Variants in NEDD4L observed in about 807,000 individuals in gnomAD.
NEDD4L encodes the protein NEDD4 like E3 ubiquitin protein ligase, also known as E3 ubiquitin-protein ligase NEDD4-like.
Under a neutral mutation model 148.9 loss-of-function variants are expected in NEDD4L, and 54 were observed. The ratio of observed to expected loss-of-function variants is 0.36; its 90% confidence interval spans 0.29 to 0.45. NEDD4L has a LOEUF of 0.45. Ranked by LOEUF, NEDD4L falls within the 20% of genes least tolerant of loss-of-function variation. The probability of loss-of-function intolerance (pLI) is 1.00; values close to 1 mark genes in which losing one functional copy is unlikely to be tolerated. For missense variants in NEDD4L, 856 were observed against 1,233.8 expected, an observed-to-expected ratio of 0.69 and a Z score of 4.59; for synonymous variants, 433 against 440.7, an observed-to-expected ratio of 0.98 and a Z score of 0.22.
At chr18:58,099,028 T>C in intron 1 of NEDD4L, among the ~76,000 whole-genome samples, 1 of 151,900 alleles carries the variant, frequency 6.6e-6, no homozygotes, top group East Asian at 1.9e-4. Flanking sequence ...ATAGTTGTGA[T>C]GACTATCTTT....
intron 5 of NEDD4L, among the ~76,000 whole-genome samples, chr18:58,271,829 T>G (rs915968001): frequency 6.6e-6 from 1 of 152,236 alleles, no homozygotes; most frequent in Non-Finnish European, 1.5e-5. Flanking sequence ...GCTCCTTTTA[T>G]TTTTCGTTTT....
intron 1 of NEDD4L, among the ~76,000 whole-genome samples, chr18:58,077,849 C>T (rs1032359642): frequency 3.3e-5 from 5 of 151,972 alleles, no homozygotes; most frequent in Admixed American, 6.6e-5. Flanking sequence ...TTTTGTGCCT[C>T]GAGAGACATT....
chr18:58,360,308 T>C (rs1210104206), intron 19 of NEDD4L, among the ~76,000 whole-genome samples: 6 of 152,230 alleles, frequency 3.9e-5, no homozygotes, highest in Non-Finnish European at 8.8e-5. Flanking sequence ...TCTCTCTAAG[T>C]ATCTGTTTCT....
intron 1 of NEDD4L, among the ~76,000 whole-genome samples, chr18:58,120,257 A>G (rs2086143110): frequency 6.6e-6 from 1 of 152,126 alleles, no homozygotes; most frequent in South Asian, 2.1e-4. Context: ...AGGAGGAGTA[A>G]AGACAAGGCC....
chr18:58,167,939 C>T (rs2037077375), intron 2 of NEDD4L, among the ~76,000 whole-genome samples: 1 of 151,602 alleles, frequency 6.6e-6, no homozygotes, highest in South Asian at 2.1e-4. Context: ...AAAATTGATT[C>T]ACATTGTATT....
intron 5 of NEDD4L, among the ~76,000 whole-genome samples, chr18:58,265,189 A>G (rs1035722773): frequency 6.6e-6 from 1 of 152,010 alleles, no homozygotes; most frequent in East Asian, 1.9e-4. Context: ...GAAAGACTGA[A>G]GGTAGATGTG....
At chr18:58,329,861 G>T (rs2144662329) in intron 10 of NEDD4L, among the ~76,000 whole-genome samples, 1 of 152,010 alleles carries the variant, frequency 6.6e-6, no homozygotes, top group Non-Finnish European at 1.5e-5. Context: ...TTTTCACAGG[G>T]GTCTAACCAT....
Position 58,315,986 on chromosome 18 carries a change from G to A in NEDD4L, c.302G>A (p.Arg101Gln), listed in dbSNP as rs1248345919. Reference sequence around the variant, plus strand: ...TCTTTGTTCTCTTCCTAACAGACACGAGACGACTTCCTGGGCCAGGTGGAC... The same window carrying A: ...TCTTTGTTCTCTTCCTAACAGACACAAGACGACTTCCTGGGCCAGGTGGAC... ...FEVFDENRLT[R>Q]DDFLGQVDVP... The change falls in exon 6 of 31, where the codon CGA becomes CAA. Residue 101 changes from arginine (R) to glutamine (Q), a missense_variant. Arg to Gln is a conservative substitution (Grantham distance 43, BLOSUM62 1). Coordinates refer to ENST00000400345, the MANE Select transcript of NEDD4L (RefSeq NM_001144967.3). 3.1e-6 allele frequency: 5 copies of A among 1,613,294 alleles called. No individual in the cohort carries two copies. Among genetic ancestry groups the A allele is most frequent in the Non-Finnish European group, 3.4e-6 (4 of 1,179,222 alleles).
intron 9 of NEDD4L, among the ~76,000 whole-genome samples, 168 bp from the exon 10 acceptor site, chr18:58,328,827 T>C (rs1233280957): frequency 1.3e-5 from 2 of 152,244 alleles, no homozygotes; most frequent in Admixed American, 6.5e-5. Context: ...ACCTATACTT[T>C]AGCCGTAATA....
intron 1 of NEDD4L, among the ~76,000 whole-genome samples, chr18:58,055,897 C>T (rs553685656): frequency 3.9e-4 from 60 of 152,136 alleles, no homozygotes; most frequent in South Asian, 1.4e-3. Context: ...GACTCAAATC[C>T]ATTTCTCCTT....
intron 1 of NEDD4L, among the ~76,000 whole-genome samples, chr18:58,071,719 A>G (rs1264984407): frequency 6.6e-6 from 1 of 152,216 alleles, no homozygotes; most frequent in African/African-American, 2.4e-5. Flanking sequence ...GGTTTAATTG[A>G]CTTACAGTTC....
At chr18:58,149,192 C>A in intron 1 of NEDD4L, 1 of 218,110 alleles carries the variant, frequency 4.6e-6, no homozygotes, top group South Asian at 9.8e-5. Flanking sequence ...CTGATGTTAT[C>A]TTATGTGGCG....
In NEDD4L at chr18:58,348,326, C is replaced by CTTTTTTTTTTTTTTTT. The variant is rs771263533; in HGVS notation, c.1576-1203_1576-1188dup. ...CACTGCATTTCTTTTTCTTTTTTTT[C>CTTTTTTTTTTTTTTTT]TTTTTTTTTTTTTTTTTTTTTTTGA... On this transcript the variant is annotated intron_variant, in intron 16 of 30. Coordinates refer to ENST00000400345, the MANE Select transcript of NEDD4L (RefSeq NM_001144967.3). 2.8e-3 allele frequency among the ~76,000 whole-genome samples: 251 copies of CTTTTTTTTTTTTTTTT among 88,638 alleles called. 9 individuals carry two copies. Among genetic ancestry groups the CTTTTTTTTTTTTTTTT allele is most frequent in the African/African-American group, 3.5e-3 (64 of 18,524 alleles). The allele number at this position is 88,638 out of a possible 152,430, so 58.1% of individuals were successfully genotyped here.
intron 1 of NEDD4L, among the ~76,000 whole-genome samples, chr18:58,048,363 A>G (rs1004688241): frequency 6.6e-6 from 1 of 152,216 alleles, no homozygotes; most frequent in Admixed American, 6.5e-5. Flanking sequence ...CACTTTTAAG[A>G]TGCGCCATGA....
At chr18:58,161,435 CTTTTT>C (rs55873387) in intron 1 of NEDD4L, among the ~76,000 whole-genome samples, 10 of 140,262 alleles carry the variant, frequency 7.1e-5, no homozygotes, top group African/African-American at 7.8e-5. Context: ...TTTTCTTTTT[CTTTTT>C]TTTTTTTTTT....
At chr18:58,176,685 G>A (rs1040063265) in intron 2 of NEDD4L, among the ~76,000 whole-genome samples, 1 of 152,208 alleles carries the variant, frequency 6.6e-6, no homozygotes, top group African/African-American at 2.4e-5. Context: ...ATTAGTGAGA[G>A]TCCCTACTGT....
intron 6 of NEDD4L, among the ~76,000 whole-genome samples, chr18:58,320,964 A>G (rs1273961151): frequency 2.0e-5 from 3 of 152,240 alleles, no homozygotes; most frequent in Non-Finnish European, 2.9e-5. Context: ...TTACTGCCTC[A>G]TAAGAACAGT....
chr18:58,091,656 A>G (rs1165573648), intron 1 of NEDD4L: 1 of 152,220 alleles, frequency 6.6e-6, no homozygotes, highest in Non-Finnish European at 1.5e-5. Flanking sequence ...CCCATCTTAT[A>G]GATGAGGCAT....
At chr18:58,374,575 C>G (rs1034846506) in intron 24 of NEDD4L, among the ~76,000 whole-genome samples, 8 of 152,038 alleles carry the variant, frequency 5.3e-5, no homozygotes, top group African/African-American at 1.7e-4. Flanking sequence ...AGGGAGGGGT[C>G]TTTTCAGCTG....
Sources: allele counts gnomAD v4.1 joint callset (sites outside exome capture counted in the v4.1 genomes callset), GRCh38; gene constraint gnomAD v4.1.1; transcripts MANE v1.5; gene names NCBI Gene and HGNC (gene_info 2026-07-23, HGNC 2026-07-21).